HEATR5A: variants seen among roughly 807,000 people sequenced by gnomAD.
HEATR5A encodes the protein HEAT repeat containing 5A.
Under a neutral mutation model 218.8 loss-of-function variants are expected in HEATR5A, and 178 were observed. The ratio of observed to expected loss-of-function variants is 0.81; its 90% CI spans 0.72 to 0.92. The LOEUF is 0.92. HEATR5A is among the 40% of genes least tolerant of loss of function. HEATR5A has a pLI of 0.00. For missense variants in HEATR5A, 2,420 were observed against 2,418.9 expected, an observed-to-expected ratio of 1.00 and a Z score of -0.01; for synonymous variants, 864 against 871.6, an observed-to-expected ratio of 0.99 and a Z score of 0.15.
chr14:31,380,668 T>C (rs1317262468), intron 10 of HEATR5A, 90 bp from the exon 11 acceptor site: 5 of 787,424 alleles, frequency 6.3e-6, no homozygotes, highest in Non-Finnish European at 8.3e-6. Flanking sequence ...AAAAATTAAT[T>C]CTTACATAAA....
intron 11 of HEATR5A, among the ~76,000 whole-genome samples, chr14:31,377,918 G>C (rs181694201): frequency 9.7e-4 from 148 of 152,272 alleles, no homozygotes; most frequent in Middle Eastern, 3.4e-3. Context: ...TTTGTATGCT[G>C]ATTATGCATA....
intron 25 of HEATR5A, chr14:31,320,628 T>C: frequency 1.5e-6 from 1 of 682,260 alleles, no homozygotes; most frequent in Non-Finnish European, 2.7e-6. Context: ...ACCCCGGTGG[T>C]CTGCATTTTT....
chr14:31,409,668 C>T (rs2031208103), intron 1 of HEATR5A, among the ~76,000 whole-genome samples: 1 of 152,124 alleles, frequency 6.6e-6, no homozygotes, highest in African/African-American at 2.4e-5. Flanking sequence ...CCACTGCACT[C>T]CAGCCTCAGC....
intron 24 of HEATR5A, 22 bp downstream of exon 24, chr14:31,323,543 T>A (rs1330988639): frequency 6.4e-7 from 1 of 1,557,682 alleles, no homozygotes; most frequent in Non-Finnish European, 8.7e-7. Flanking sequence ...TCATTTGGTG[T>A]TTTCATCACT....
In HEATR5A at chr14:31,308,002, A is replaced by G. The variant is rs752867280; in HGVS notation, c.4709T>C (p.Leu1570Pro). 9.3e-6 allele frequency: 15 copies of G among 1,611,282 alleles called. No individual in the cohort carries two copies. Among genetic ancestry groups the G allele is most frequent in the Non-Finnish European group, 7.6e-6 (9 of 1,179,068 alleles). The change falls in exon 30 of 36, where the codon CTA becomes CCA. Residue 1570 changes from leucine to proline, a missense_variant. Coordinates refer to ENST00000543095, the MANE Select transcript of HEATR5A (RefSeq NM_015473.4). ...HLILGISVEF[L>P]CSLRSDATME... Reference sequence around the variant, plus strand: ...GGTTGCATCTGAACGTAAGGAACATAGAAATTCCACGCTGATTCCTGTGGA... The same window carrying G: ...GGTTGCATCTGAACGTAAGGAACATGGAAATTCCACGCTGATTCCTGTGGA...
At chr14:31,306,204 A>C (rs1273525043) in intron 31 of HEATR5A, among the ~76,000 whole-genome samples, 2 of 152,200 alleles carry the variant, frequency 1.3e-5, no homozygotes, top group African/African-American at 4.8e-5. Context: ...CAGGCTAGGC[A>C]TGATGGCTCA....
rs970202277 is a variant in HEATR5A, at chr14:31,405,296, T to A, written c.-74-2247A>T. On this transcript the variant is annotated intron_variant, in intron 1 of 35. Coordinates refer to ENST00000543095, the MANE Select transcript of HEATR5A (RefSeq NM_015473.4). ...GAAAAATACAAAAATTAGCCAAGCATGGTGGTGTGCACCTGCGGTCCCAGC... is the reference window on the plus strand; with the variant it reads ...GAAAAATACAAAAATTAGCCAAGCAAGGTGGTGTGCACCTGCGGTCCCAGC... Among the ~76,000 whole-genome samples the A allele has an allele frequency of 2.0e-5, 3 of 152,150 alleles. No individual in the cohort carries two copies. In the East Asian group the frequency reaches 5.8e-4, roughly 29 times the overall value.
intron 33 of HEATR5A, among the ~76,000 whole-genome samples, chr14:31,300,496 C>T (rs1899335264): frequency 1.3e-5 from 2 of 151,916 alleles, no homozygotes; most frequent in Admixed American, 6.6e-5. Context: ...AGAGATGCAC[C>T]GAGAGATCCC....
intron 22 of HEATR5A, among the ~76,000 whole-genome samples, chr14:31,330,884 T>C (rs1192642776): frequency 6.6e-6 from 1 of 151,658 alleles, no homozygotes; most frequent in Non-Finnish European, 1.5e-5. Flanking sequence ...TTTTCTTTTC[T>C]ATCACATCCT....
Position 31,293,596 on chromosome 14 carries a change from G to A in HEATR5A, c.5850C>T (p.Ala1950=). ...AEEHHRAQLV[A]CLLPILISFL... is the part of the protein sequence containing the mutation. ...AGGAAATGAGGATGGGCAAAAGACAGGCCACCAGCTGAGCGCCTAGAAAGT... is the reference window on the plus strand; with the variant it reads ...AGGAAATGAGGATGGGCAAAAGACAAGCCACCAGCTGAGCGCCTAGAAAGT... Residue 1950 remains alanine, a synonymous_variant, in exon 36 of 36, where the codon GCC becomes GCT. Coordinates refer to ENST00000543095, the MANE Select transcript of HEATR5A (RefSeq NM_015473.4). The A allele has an allele frequency of 6.2e-7, 1 of 1,607,896 alleles. No individual in the cohort carries two copies. The highest frequency in any genetic ancestry group is 8.5e-7 in the Non-Finnish European group (1 of 1,177,948).
intron 1 of HEATR5A, among the ~76,000 whole-genome samples, chr14:31,404,628 C>G (rs1011402470): frequency 6.6e-6 from 1 of 152,146 alleles, no homozygotes; most frequent in Admixed American, 6.5e-5. Context: ...GGTCCAGGGC[C>G]AGGCACAGTG....
At position 31,369,648 on chromosome 14, in the gene HEATR5A, C is replaced by T. The variant is rs186205795; in HGVS notation, c.1961+2162G>A. Among the ~76,000 whole-genome samples the T allele has an allele frequency of 5.2e-5, 7 of 134,192 alleles. No individual in the cohort carries two copies. In the East Asian group the frequency reaches 1.5e-3, roughly 29 times the overall value. 88.0% of individuals were successfully genotyped at this position (134,192 alleles called of 152,430 possible). On this transcript the variant is annotated intron_variant, in intron 13 of 35. Coordinates refer to ENST00000543095, the MANE Select transcript of HEATR5A (RefSeq NM_015473.4). ...AAAAAAAAAAAAAACCCAAAAATGG[C>T]CTGACGCAGTGGCTCATGCCTGTAA...
chr14:31,354,696 G>C lies in HEATR5A; in HGVS notation c.2411+3941C>G, dbSNP rs17097846. Among the ~76,000 whole-genome samples, 1,480 of 152,266 alleles carry C rather than the reference G, an allele frequency of 9.7e-3. 23 individuals are homozygous for C. The highest frequency in any genetic ancestry group is 0.034 in the African/African-American group (1,405 of 41,566). On this transcript the variant is annotated intron_variant, in intron 16 of 35. Coordinates refer to ENST00000543095, the MANE Select transcript of HEATR5A (RefSeq NM_015473.4). The stretch of plus-strand genomic sequence containing the variant: ...AGTTAACTGAATAAAGGGTGAAGAT[G>C]TAACATTTGAAAATGTTGATTTATT...
Position 31,350,654 on chromosome 14 carries a change from C to A in HEATR5A, c.2475G>T (p.Val825=). 1 of 1,602,456 alleles carries A rather than the reference C, an allele frequency of 6.2e-7. No homozygotes were observed. The highest frequency in any genetic ancestry group is 1.1e-5 in the South Asian group (1 of 89,122). The change falls in exon 17 of 36, where the codon GTG becomes GTT. Residue 825 remains valine, a synonymous_variant. Transcript: ENST00000543095. ...CTGAAGAAACAACATGTAACTGAAC[C>A]ACTTGCTGACGAGCTCCTTTTGTGT... ...IKHTKGARQQ[V]VQLHVVSSVS... is the part of the protein sequence containing the mutation.
At chr14:31,417,054 A>C (rs2031474515) in intron 1 of HEATR5A, among the ~76,000 whole-genome samples, 1 of 152,150 alleles carries the variant, frequency 6.6e-6, no homozygotes, top group South Asian at 2.1e-4. Context: ...TCAAAAAATA[A>C]AATAAAATAA....
chr14:31,392,171 C>T (rs1294659788), intron 6 of HEATR5A, among the ~76,000 whole-genome samples: 2 of 152,214 alleles, frequency 1.3e-5, no homozygotes, highest in African/African-American at 4.8e-5. Context: ...CAATGCATAA[C>T]ATCAAAAAGC....
intron 13 of HEATR5A, among the ~76,000 whole-genome samples, chr14:31,369,933 CAAA>C (rs34006984): frequency 2.2e-5 from 3 of 139,124 alleles, no homozygotes; most frequent in Non-Finnish European, 4.7e-5. Context: ...GACTCTATCT[CAAA>C]AAAAAAAAAA....
intron 13 of HEATR5A, among the ~76,000 whole-genome samples, chr14:31,367,785 G>A (rs192082443): frequency 1.3e-5 from 2 of 151,820 alleles, no homozygotes; most frequent in African/African-American, 2.4e-5. Context: ...GAGGAGTAAC[G>A]TCAAAAGGCT....
At chr14:31,302,938 CAAAAAAAAAA>C (rs747481722) in intron 32 of HEATR5A, among the ~76,000 whole-genome samples, 3,500 of 102,336 alleles carry the variant, frequency 0.034, 60 homozygotes, top group Non-Finnish European at 0.048. Flanking sequence ...TTCATCTTTA[CAAAAAAAAAA>C]AAAAAAAAAA....
Sources: allele counts gnomAD v4.1 joint callset (sites outside exome capture counted in the v4.1 genomes callset), GRCh38; gene constraint gnomAD v4.1.1; transcripts MANE v1.5; gene names NCBI Gene and HGNC (gene_info 2026-07-23, HGNC 2026-07-21).